The following ERCC3 variants were observed in gnomAD, a reference collection of about 807,000 sequenced individuals.
ERCC3 encodes the protein general transcription and DNA repair factor IIH helicase/translocase subunit XPB.
ERCC3 carries 66 observed loss-of-function variants against 94.2 expected under a neutral mutation model. The observed-to-expected ratio is 0.70, with a 90% CI of 0.57 to 0.86. The LOEUF is 0.86. ERCC3 is among the 40% of genes least tolerant of loss of function. ERCC3 has a pLI of 0.00. For synonymous variants in ERCC3, 349 were observed against 369.1 expected (o/e 0.95, Z 0.63); for missense variants, 829 against 987.1 (o/e 0.84, Z 2.15).
At chr2:127,263,587 C>T (rs1014860237) in intron 12 of ERCC3, among the ~76,000 whole-genome samples, 2 of 152,126 alleles carry the variant, frequency 1.3e-5, no homozygotes, top group African/African-American at 4.8e-5. Context: ...AATTTAACTT[C>T]CTTTTTTCCT....
intron 10 of ERCC3, 77 bp from the exon 11 acceptor site, chr2:127,273,038 A>T: frequency 1.1e-6 from 1 of 880,210 alleles, no homozygotes; most frequent in Non-Finnish European, 1.9e-6. Flanking sequence ...GGGAAAAAGG[A>T]GCTCAGGCTA....
Position 127,271,903 on chromosome 2 carries a change from G to A in ERCC3, c.1828-450C>T, listed in dbSNP as rs1411646892. Among the ~76,000 whole-genome samples, 4 of 152,162 alleles carry A rather than the reference G, an allele frequency of 2.6e-5. No homozygotes were observed. Among genetic ancestry groups the A allele is most frequent in the Admixed American group, 1.3e-4 (2 of 15,286 alleles). On this transcript the variant is annotated intron_variant, in intron 11 of 14. Coordinates refer to ENST00000285398, the MANE Select transcript of ERCC3 (RefSeq NM_000122.2). The surrounding 1 kb of genome is among the most constrained non-coding windows in gnomAD (Gnocchi z 5.0). ...GCCCCATATGGAATTCTGACTGTAGGTGGATTCCTCAGCTCTGGGGCTCCA... is the reference window on the plus strand; with the variant it reads ...GCCCCATATGGAATTCTGACTGTAGATGGATTCCTCAGCTCTGGGGCTCCA...
At chr2:127,275,364 G>GA (rs1684702695) in intron 10 of ERCC3, among the ~76,000 whole-genome samples, 1 of 151,662 alleles carries the variant, frequency 6.6e-6, no homozygotes, top group East Asian at 1.9e-4. Context: ...AAACCAAGAA[G>GA]AAAAAACACT....
At position 127,290,273 on chromosome 2, in the gene ERCC3, A is replaced by AGC; in HGVS notation, c.472-1_472insGC (p.Leu158AlafsTer14). Reference sequence around the variant, plus strand: ...ACTTTTCCATAGCTGACAGTACACAACTGCAAATACAGATAACATCCAACA... The same window carrying AGC: ...ACTTTTCCATAGCTGACAGTACACAAGCCTGCAAATACAGATAACATCCAACA... On this transcript the variant is annotated frameshift_variant and splice_region_variant. Transcript: ENST00000285398. LOFTEE classifies it high-confidence loss of function. 1 of 1,612,818 alleles carries AGC rather than the reference A, an allele frequency of 6.2e-7. No homozygotes were observed. Among genetic ancestry groups the AGC allele is most frequent in the South Asian group, 1.1e-5 (1 of 91,048 alleles).
chr2:127,258,757 G>C lies in ERCC3; in HGVS notation c.2217+539C>G, dbSNP rs949321925. Among the ~76,000 whole-genome samples the C allele has an allele frequency of 5.3e-5, 8 of 152,210 alleles. No individual in the cohort carries two copies. The highest frequency in any genetic ancestry group is 1.3e-4 in the Admixed American group (2 of 15,272). Reference sequence around the variant, plus strand: ...CCATATATTTACTTGGCCTAGAGCAGGCATATTTGTAGAATAAATGAAAGG... The same window carrying C: ...CCATATATTTACTTGGCCTAGAGCACGCATATTTGTAGAATAAATGAAAGG... On this transcript the variant is annotated intron_variant, in intron 14 of 14. Transcript: ENST00000285398. This position sits in a 1 kb window ranked among gnomAD's most constrained non-coding sequence, Gnocchi z 4.1.
chr2:127,269,688 T>G (rs1261004805), intron 12 of ERCC3, among the ~76,000 whole-genome samples: 1 of 150,530 alleles, frequency 6.6e-6, no homozygotes, highest in Non-Finnish European at 1.5e-5. Context: ...CCCAAAGTGC[T>G]GGGATTACAG....
At position 127,293,537 on chromosome 2, in the gene ERCC3, G is replaced by C. The variant is rs1279830695; in HGVS notation, c.210C>G (p.Asp70Glu). 1.9e-6 allele frequency: 3 copies of C among 1,614,052 alleles called. No individual in the cohort carries two copies. The highest frequency in any genetic ancestry group is 2.5e-6 in the Non-Finnish European group (3 of 1,180,040). The part of the protein sequence containing the change: ...DYRLQMPLKD[D>E]HTSRPLWVAP... ...CCACCCAGAGGGGCCTGGAGGTGTG[G>C]TCGTCCTTCAGCGGCATTTGCAGCC... is the stretch of plus-strand genomic sequence containing the variant. The change falls in exon 2 of 15, where the codon GAC becomes GAG. Residue 70 changes from aspartate to glutamate, a missense_variant. Coordinates refer to ENST00000285398, the MANE Select transcript of ERCC3 (RefSeq NM_000122.2).
intron 11 of ERCC3, among the ~76,000 whole-genome samples, chr2:127,272,048 C>T (rs1394971482): frequency 8.6e-6 from 1 of 116,120 alleles, no homozygotes; most frequent in Non-Finnish European, 1.7e-5. Context: ...GACGGAGTCT[C>T]GCTCTTGTTG....
Position 127,284,557 on chromosome 2 carries a change from T to C in ERCC3, c.1342+2146A>G, listed in dbSNP as rs894190316. Reference sequence around the variant, plus strand: ...ACCCATCAGGGCTGAAGAGCTCTCATGCACAGAAAGAACCAGATGCTGGGG... The same window carrying C: ...ACCCATCAGGGCTGAAGAGCTCTCACGCACAGAAAGAACCAGATGCTGGGG... On this transcript the variant is annotated intron_variant, in intron 8 of 14. Transcript: ENST00000285398. This position sits in a 1 kb window ranked among gnomAD's most constrained non-coding sequence, Gnocchi z 4.1. Among the ~76,000 whole-genome samples, 10 of 152,218 alleles carry C rather than the reference T, an allele frequency of 6.6e-5. No homozygotes were observed. Among genetic ancestry groups the C allele is most frequent in the Admixed American group, 3.9e-4 (6 of 15,280 alleles).
rs957789978 is a variant in ERCC3, at chr2:127,287,097, C to T, written c.1028-80G>A. 40 of 1,101,802 alleles carry T rather than the reference C, an allele frequency of 3.6e-5. 1 individual carries two copies. Among genetic ancestry groups the T allele is most frequent in the South Asian group, 3.5e-4 (27 of 77,512 alleles). 68.3% of individuals were successfully genotyped at this position (1,101,802 alleles called of 1,614,324 possible). A position where few individuals can be genotyped will look rare whatever the true frequency, so the allele number is the denominator to read the frequency against. ...GGACAGGCAGAATGACTCACAAGTA[C>T]AGCAATCTAGGAAAATGTCTTGTAA... On this transcript the variant is annotated intron_variant, in intron 7 of 14. Transcript: ENST00000285398.
intron 12 of ERCC3, among the ~76,000 whole-genome samples, chr2:127,265,978 G>T (rs1336045619): frequency 6.6e-6 from 1 of 151,624 alleles, no homozygotes; most frequent in Non-Finnish European, 1.5e-5. Flanking sequence ...TTAGTATGTT[G>T]TATCTGTTTT....
At chr2:127,266,476 C>T (rs1211293904) in intron 12 of ERCC3, among the ~76,000 whole-genome samples, 2 of 151,200 alleles carry the variant, frequency 1.3e-5, no homozygotes, top group Non-Finnish European at 2.9e-5. Context: ...GCTGAGACTA[C>T]AGGCAACTGC....
chr2:127,268,258 T>C (rs1273895684), intron 12 of ERCC3, among the ~76,000 whole-genome samples: 1 of 151,874 alleles, frequency 6.6e-6, no homozygotes, highest in Non-Finnish European at 1.5e-5. Flanking sequence ...CTGGCCTGTT[T>C]TTTTGTTTGT....
chr2:127,286,574 T>C (rs1446757958), intron 8 of ERCC3, 129 bp downstream of exon 8: 7 of 883,532 alleles, frequency 7.9e-6, no homozygotes, highest in African/African-American at 1.6e-5. Context: ...TATTAAAAGC[T>C]TTACCCAGCA....
At chr2:127,290,386 GA>G in intron 3 of ERCC3, 113 bp from the exon 4 acceptor site, 1 of 917,264 alleles carries the variant, frequency 1.1e-6, no homozygotes, top group South Asian at 1.3e-5. Flanking sequence ...TTACTTTAGG[GA>G]AACCCAACTT....
intron 7 of ERCC3, among the ~76,000 whole-genome samples, chr2:127,287,419 G>A (rs530147994): frequency 1.3e-5 from 2 of 152,026 alleles, no homozygotes; most frequent in African/African-American, 4.8e-5. Context: ...GATCACATGA[G>A]GTCAGGAGTT....
rs550365114 is a variant in ERCC3 at position 127,277,559 on chromosome 2, C to T, written c.1730+1614G>A. Among the ~76,000 whole-genome samples the T allele has an allele frequency of 1.3e-5, 2 of 152,130 alleles. No homozygotes were observed. Among genetic ancestry groups the T allele is most frequent in the South Asian group, 4.1e-4 (2 of 4,820 alleles). On this transcript the variant is annotated intron_variant, in intron 10 of 14. Transcript: ENST00000285398. This position sits in a 1 kb window ranked among gnomAD's most constrained non-coding sequence, Gnocchi z 5.1. ...ACAAAAATTATCCAGGCTGTGGTGG[C>T]GGGTGCCTGTAGTCCCAGCTACTCA...
At chr2:127,263,043 C>T (rs541301485) in intron 12 of ERCC3, among the ~76,000 whole-genome samples, 14 of 152,284 alleles carry the variant, frequency 9.2e-5, no homozygotes, top group South Asian at 2.1e-4. Flanking sequence ...CAGTACCATG[C>T]TGTTTTGGTT....
At chr2:127,265,782 A>C in intron 12 of ERCC3, among the ~76,000 whole-genome samples, 1 of 152,020 alleles carries the variant, frequency 6.6e-6, no homozygotes, top group East Asian at 1.9e-4. Context: ...TTGAGTCTGA[A>C]TTTCATTTAG....
Sources: allele counts gnomAD v4.1 joint callset (sites outside exome capture counted in the v4.1 genomes callset), GRCh38; gene constraint gnomAD v4.1.1; non-coding constraint Gnocchi (gnomAD v3.1); transcripts MANE v1.5; gene names NCBI Gene and HGNC (gene_info 2026-07-23, HGNC 2026-07-21).